The following OSBPL9 variants were observed in gnomAD, a reference collection of about 807,000 sequenced individuals.
OSBPL9 encodes oxysterol-binding protein-related protein 9.
A neutral mutation model predicts 106.6 loss-of-function variants in OSBPL9; 40 were observed. The ratio of observed to expected loss-of-function variants is 0.38; its 90% CI spans 0.29 to 0.49. The LOEUF (loss-of-function observed/expected upper bound fraction) is 0.49, where lower values mean the gene tolerates loss of function less well. OSBPL9 is among the 20% of genes least tolerant of loss of function. The probability of loss-of-function intolerance (pLI) is 0.97; values close to 1 mark genes in which losing one functional copy is unlikely to be tolerated. For missense variants in OSBPL9, 609 were observed against 887.2 expected (o/e 0.69, Z 3.98); for synonymous variants, 269 against 295.4 (o/e 0.91, Z 0.92).
the OSBPL9 span, among the ~76,000 whole-genome samples, chr1:51,564,052 C>CAAAAAA: frequency 0.012 from 336 of 27,372 alleles, 30 homozygotes; most frequent in African/African-American, 0.041. Flanking sequence ...GAGATCATCT[C>CAAAAAA]AAAAAAAAAA....
the OSBPL9 span, among the ~76,000 whole-genome samples, chr1:51,555,451 T>C: frequency 6.6e-6 from 1 of 151,558 alleles, no homozygotes; most frequent in East Asian, 2.0e-4. Context: ...GATAGCGCCA[T>C]TGCACTCCAG....
At chr1:51,565,325 A>G in the OSBPL9 span, among the ~76,000 whole-genome samples, 2 of 152,104 alleles carry the variant, frequency 1.3e-5, no homozygotes, top group Non-Finnish European at 2.9e-5. Context: ...ATACTGAACT[A>G]CTGCTGTCAG....
intron 4 of OSBPL9, among the ~76,000 whole-genome samples, chr1:51,722,162 A>G (rs368410263): frequency 3.3e-4 from 48 of 147,074 alleles, no homozygotes; most frequent in African/African-American, 8.5e-4. Flanking sequence ...CTCTAAAATA[A>G]ATAGATAGAT....
chr1:51,629,943 C>T lies in OSBPL9; in HGVS notation c.111+12722C>T, dbSNP rs544051563. ...CAGCCTGGGCGACAGAGCCATATTCCATCTCAAAAAAAAAAAATTATTAAT... is the reference window on the plus strand; with the variant it reads ...CAGCCTGGGCGACAGAGCCATATTCTATCTCAAAAAAAAAAAATTATTAAT... On this transcript the variant is annotated intron_variant, in intron 1 of 23. Coordinates refer to ENST00000428468, the MANE Select transcript of OSBPL9 (RefSeq NM_024586.6). 4.7e-4 allele frequency among the ~76,000 whole-genome samples: 70 copies of T among 148,994 alleles called. 3 individuals are homozygous for T. The South Asian group carries it at 0.012, about 25-fold the overall frequency.
chr1:51,616,352 A>T (rs1644058937), upstream of OSBPL9, among the ~76,000 whole-genome samples: 1 of 151,684 alleles, frequency 6.6e-6, no homozygotes, highest in South Asian at 2.1e-4. Context: ...CTTATCTCCC[A>T]CCACTTTCTC....
the OSBPL9 span, among the ~76,000 whole-genome samples, chr1:51,570,207 C>A: frequency 6.6e-6 from 1 of 152,186 alleles, no homozygotes; most frequent in African/African-American, 2.4e-5. Context: ...TCTACCATAG[C>A]CTCGTAGATC....
chr1:51,659,164 A>G (rs1199848588), intron 2 of OSBPL9, among the ~76,000 whole-genome samples: 1 of 152,162 alleles, frequency 6.6e-6, no homozygotes, highest in Non-Finnish European at 1.5e-5. Flanking sequence ...AATATCAGAC[A>G]TAGAATACTA....
At chr1:51,778,638 C>A (rs1282358073) in intron 15 of OSBPL9, among the ~76,000 whole-genome samples, 1 of 152,058 alleles carries the variant, frequency 6.6e-6, no homozygotes, top group Non-Finnish European at 1.5e-5. Flanking sequence ...CATGCAGCAA[C>A]AAAAATTGAC....
At chr1:51,607,779 A>T (rs922024892) in intron 2 of OSBPL9, among the ~76,000 whole-genome samples, 1 of 152,242 alleles carries the variant, frequency 6.6e-6, no homozygotes, top group African/African-American at 2.4e-5. Flanking sequence ...AATTTGGCCA[A>T]GGGGCATATG....
At chr1:51,587,594 G>A (rs1191672728) in intron 1 of OSBPL9, among the ~76,000 whole-genome samples, 1 of 152,010 alleles carries the variant, frequency 6.6e-6, no homozygotes, top group Non-Finnish European at 1.5e-5. Flanking sequence ...TGTGTGCCAG[G>A]TACTTTACCA....
At chr1:51,686,809 G>A (rs1347007960) in intron 3 of OSBPL9, among the ~76,000 whole-genome samples, 2 of 152,188 alleles carry the variant, frequency 1.3e-5, no homozygotes, top group Non-Finnish European at 2.9e-5. Flanking sequence ...TTTTAATCCT[G>A]TTCTAACACA....
the OSBPL9 span, among the ~76,000 whole-genome samples, chr1:51,544,836 G>GTTTTTTTTTT: frequency 7.9e-6 from 1 of 126,688 alleles, no homozygotes; most frequent in African/African-American, 3.1e-5. Context: ...TAAGAGACAT[G>GTTTTTTTTTT]CTTTTTTTTT....
intron 3 of OSBPL9, among the ~76,000 whole-genome samples, chr1:51,701,752 T>A (rs1369365911): frequency 1.3e-5 from 2 of 152,120 alleles, no homozygotes; most frequent in African/African-American, 2.4e-5. Flanking sequence ...ACCCATTAAC[T>A]CATCATTTAA....
the OSBPL9 span, chr1:51,519,143 C>A: frequency 7.9e-7 from 1 of 1,272,316 alleles, no homozygotes. Context: ...AAGCTGAGGG[C>A]GGTGGGGGAG....
At chr1:51,553,477 A>G in the OSBPL9 span, among the ~76,000 whole-genome samples, 1 of 151,870 alleles carries the variant, frequency 6.6e-6, no homozygotes. Context: ...TCTCACCACC[A>G]CACCCCAGCC....
intron 4 of OSBPL9, chr1:51,730,075 C>T: frequency 1.6e-6 from 2 of 1,270,038 alleles, no homozygotes; most frequent in Non-Finnish European, 2.0e-6. Flanking sequence ...GCCGCCAGGC[C>T]GGAGCGCGAA....
chr1:51,615,411 A>T (rs922241553), upstream of OSBPL9, among the ~76,000 whole-genome samples: 1 of 152,178 alleles, frequency 6.6e-6, no homozygotes, highest in African/African-American at 2.4e-5. Flanking sequence ...TCAAAAGTCA[A>T]CCTTTGCACT....
chr1:51,770,647 C>G (rs2149102014), intron 12 of OSBPL9, among the ~76,000 whole-genome samples: 1 of 152,224 alleles, frequency 6.6e-6, no homozygotes, highest in Non-Finnish European at 1.5e-5. Context: ...TCCATTGCCT[C>G]TCAAAACTGG....
At chr1:51,665,737 G>A (rs894756363) in intron 2 of OSBPL9, among the ~76,000 whole-genome samples, 1 of 152,154 alleles carries the variant, frequency 6.6e-6, no homozygotes, top group Non-Finnish European at 1.5e-5. Flanking sequence ...AGAAGCCTTC[G>A]ATTAGAGAGG....
Sources: gnomAD v4.1 joint callset for allele counts (sites outside exome capture counted in the v4.1 genomes callset) on GRCh38, gnomAD v4.1.1 for gene constraint, MANE v1.5 for transcripts, NCBI Gene and HGNC (gene_info 2026-07-23, HGNC 2026-07-21) for gene names.